MTRES1: variants seen among roughly 807,000 people sequenced by gnomAD.
MTRES1 encodes the protein uncharacterized protein C6orf203.
MTRES1 carries 11 observed loss-of-function variants against 17.4 expected under a neutral mutation model. The observed-to-expected ratio is 0.63, with a 90% CI of 0.40 to 1.05. MTRES1 has a LOEUF of 1.05. MTRES1 is among the 50% of genes least tolerant of loss of function. MTRES1 has a pLI of 0.00. For synonymous variants in MTRES1, 94 were observed against 99.6 expected, an observed-to-expected ratio of 0.94 and a Z score of 0.34; for missense variants, 268 against 276.2, an observed-to-expected ratio of 0.97 and a Z score of 0.21.
rs1774130678 is a variant in MTRES1 at position 107,039,802 on chromosome 6, A to G, written c.42A>G (p.Arg14=). The change falls in exon 2 of 4, where the codon AGA becomes AGG. Residue 14 remains arginine (R), a synonymous_variant. Transcript: ENST00000311381. The part of the protein sequence containing the change: ...ASVKLLAGVL[R]KPDAWIGLWG... ...TTAAATTGCTTGCCGGTGTTTTAAG[A>G]AAGCCAGATGCCTGGATTGGACTCT... 6.2e-7 allele frequency: 1 copy of G among 1,610,256 alleles called. No homozygotes were observed. The highest frequency in any genetic ancestry group is 1.3e-5 in the African/African-American group (1 of 74,660).
intron 2 of MTRES1, chr6:107,041,013 T>G (rs1411076820): frequency 1.3e-5 from 2 of 151,518 alleles, no homozygotes; most frequent in Non-Finnish European, 2.9e-5. Flanking sequence ...GATCACAAGG[T>G]CAGGAGATCG....
Position 107,039,869 on chromosome 6 carries a change from A to G in MTRES1, c.109A>G (p.Thr37Ala), listed in dbSNP as rs976729891. ...GACACCTTCATCATACAAACTCTGT[A>G]CTTCCTGGAATCGATACTTGTATTT... ...RGTPSSYKLC[T>A]SWNRYLYFSS... Residue 37 changes from threonine (T) to alanine (A), a missense_variant, in exon 2 of 4, where the codon ACT becomes GCT. Transcript: ENST00000311381. 5.6e-6 allele frequency: 9 copies of G among 1,614,132 alleles called. No homozygotes were observed. In the South Asian group the frequency reaches 8.8e-5, roughly 16 times the overall value.
Position 107,051,194 on chromosome 6 carries a change from G to A in MTRES1, c.681G>A (p.Arg227=). 2 of 1,613,880 alleles carry A rather than the reference G, an allele frequency of 1.2e-6. No homozygotes were observed. Among genetic ancestry groups the A allele is most frequent in the East Asian group, 2.2e-5 (1 of 44,880 alleles). ...AAAAATACAGAGTGGTGTTACGGCG[G>A]TGGAAAAGTTTAAAGTTGCCTAAGA... ...ESEKYRVVLR[R]WKSLKLPKKR... The change falls in exon 4 of 4, where the codon CGG becomes CGA. Residue 227 remains arginine (R), a synonymous_variant. Transcript: ENST00000311381.
At chr6:107,031,089 A>G (rs1354314440) in intron 1 of MTRES1, among the ~76,000 whole-genome samples, 3 of 152,128 alleles carry the variant, frequency 2.0e-5, no homozygotes, top group African/African-American at 7.2e-5. Flanking sequence ...ACTTTAAGAT[A>G]TCAGGGAGGG....
chr6:107,029,883 G>T (rs1273909721), intron 1 of MTRES1: 3 of 590,260 alleles, frequency 5.1e-6, no homozygotes, highest in Non-Finnish European at 9.0e-6. Flanking sequence ...TGGGATTATA[G>T]GCGTGAGCCA....
intron 2 of MTRES1, 49 bp from the exon 3 acceptor site, chr6:107,044,211 G>T (rs1554228121): frequency 7.3e-7 from 1 of 1,361,764 alleles, no homozygotes; most frequent in Admixed American, 1.7e-5. Flanking sequence ...GGGCTTGAGT[G>T]TACCCATCAC....
chr6:107,035,182 G>A (rs1773968299), intron 1 of MTRES1, among the ~76,000 whole-genome samples: 1 of 151,690 alleles, frequency 6.6e-6, no homozygotes, highest in Non-Finnish European at 1.5e-5. Flanking sequence ...TGCCCAGGCT[G>A]GAGTGCAATG....
intron 1 of MTRES1, among the ~76,000 whole-genome samples, chr6:107,031,053 C>T (rs1420868973): frequency 2.1e-4 from 32 of 151,980 alleles, no homozygotes; most frequent in African/African-American, 7.5e-4. Flanking sequence ...AGAAGAGGAC[C>T]AAAGATAGAG....
At chr6:107,031,067 T>C (rs1462406460) in intron 1 of MTRES1, among the ~76,000 whole-genome samples, 2 of 152,104 alleles carry the variant, frequency 1.3e-5, no homozygotes, top group African/African-American at 4.8e-5. Flanking sequence ...GATAGAGCCC[T>C]GGGCCGCTCC....
In MTRES1 at chr6:107,028,231, C is replaced by G. The variant is rs560407125; in HGVS notation, c.-53C>G. 6.6e-6 allele frequency: 1 copy of G among 152,278 alleles called. No individual in the cohort carries two copies. Among genetic ancestry groups the G allele is most frequent in the East Asian group, 1.9e-4 (1 of 5,148 alleles). The allele number at this position is 152,278 out of a possible 1,614,324, so 9.4% of individuals were successfully genotyped here. A position where few individuals can be genotyped will look rare whatever the true frequency, so the allele number is the denominator to read the frequency against. On this transcript the variant is annotated 5_prime_UTR_variant, in exon 1 of 4. Transcript: ENST00000311381. ...TAGGGGTAGCCTGGAGGCCTGCAGT[C>G]CGCGCGGCCGCGGGGAGGGACGAGA...
chr6:107,032,123 G>T (rs971615492), intron 1 of MTRES1, among the ~76,000 whole-genome samples: 5 of 152,198 alleles, frequency 3.3e-5, no homozygotes, highest in Admixed American at 1.3e-4. Context: ...TTATGGTAAA[G>T]AGGAGCAAGA....
At chr6:107,036,849 CAAAAA>C (rs67649016) in intron 1 of MTRES1, among the ~76,000 whole-genome samples, 6 of 132,514 alleles carry the variant, frequency 4.5e-5, no homozygotes, top group Admixed American at 7.6e-5. Flanking sequence ...GACTCCGTCT[CAAAAA>C]AAAAAAAAAA....
intron 3 of MTRES1, among the ~76,000 whole-genome samples, chr6:107,045,060 C>T (rs1554228224): frequency 2.0e-5 from 3 of 152,056 alleles, no homozygotes; most frequent in South Asian, 4.2e-4. Context: ...TGGTGGCAGG[C>T]GCTTGTCCCA....
At chr6:107,041,177 A>G (rs1450041100) in intron 2 of MTRES1, among the ~76,000 whole-genome samples, 1 of 151,244 alleles carries the variant, frequency 6.6e-6, no homozygotes. Flanking sequence ...GTGAGCCGAG[A>G]TCACGCCATT....
intron 2 of MTRES1, among the ~76,000 whole-genome samples, chr6:107,043,922 TTCAAGA>T (rs1362074383): frequency 1.3e-4 from 19 of 151,680 alleles, no homozygotes; most frequent in Non-Finnish European, 2.2e-4. Context: ...AGGTCAGGAG[TTCAAGA>T]CCAGCCTGGC....
intron 1 of MTRES1, chr6:107,029,921 A>G: frequency 6.6e-6 from 4 of 609,716 alleles, no homozygotes; most frequent in South Asian, 2.0e-5. Context: ...TGCCCTCTCA[A>G]TCCCCCTTAC....
intron 3 of MTRES1, among the ~76,000 whole-genome samples, chr6:107,048,714 A>C (rs1774479883): frequency 6.9e-6 from 1 of 145,388 alleles, no homozygotes; most frequent in East Asian, 2.1e-4. Flanking sequence ...TGGGAGGTGG[A>C]GGTTGCAGTG....
intron 3 of MTRES1, among the ~76,000 whole-genome samples, chr6:107,048,760 C>CA (rs1554228743): frequency 3.1e-5 from 4 of 130,410 alleles, no homozygotes; most frequent in African/African-American, 1.2e-4. Context: ...AGCCTGGTGA[C>CA]ACGGTGAGAC....
intron 2 of MTRES1, among the ~76,000 whole-genome samples, chr6:107,043,854 C>T (rs1004556922): frequency 6.6e-6 from 1 of 152,130 alleles, no homozygotes; most frequent in Non-Finnish European, 1.5e-5. Flanking sequence ...TGAGGCCGGA[C>T]GCGGTGGTTC....
Sources: allele counts gnomAD v4.1 joint callset (sites outside exome capture counted in the v4.1 genomes callset), GRCh38; gene constraint gnomAD v4.1.1; transcripts MANE v1.5; gene names NCBI Gene and HGNC (gene_info 2026-07-23, HGNC 2026-07-21).